UGT2A2: variants seen among roughly 807,000 people sequenced by gnomAD.
UGT2A2 encodes UDP glucuronosyltransferase family 2 member A2.
UGT2A2 carries 60 observed loss-of-function variants against 50.7 expected under a neutral mutation model. The ratio of observed to expected loss-of-function variants is 1.18; its 90% CI spans 0.96 to 1.47. The LOEUF is 1.47. Ranked by LOEUF, UGT2A2 falls within the 40% of genes most tolerant of loss-of-function variation. The pLI, the probability that UGT2A2 is intolerant of heterozygous loss-of-function variation, is 0.00. For missense variants in UGT2A2, 762 were observed against 634.0 expected (o/e 1.20, Z -2.17); for synonymous variants, 242 against 214.6 (o/e 1.13, Z -1.11).
chr4:69,613,112 C>T (rs1037196690), intron 1 of UGT2A2, among the ~76,000 whole-genome samples: 1 of 151,816 alleles, frequency 6.6e-6, no homozygotes, highest in Non-Finnish European at 1.5e-5. Flanking sequence ...ATACAATCAA[C>T]CTGCATACGA....
At chr4:69,624,719 C>T (rs1720938477) in intron 1 of UGT2A2, among the ~76,000 whole-genome samples, 2 of 151,188 alleles carry the variant, frequency 1.3e-5, no homozygotes, top group Admixed American at 6.6e-5. Context: ...TATCTCTTCC[C>T]AGATTTTGTG....
At chr4:69,632,834 G>A (rs962451533) in intron 1 of UGT2A2, among the ~76,000 whole-genome samples, 3 of 151,240 alleles carry the variant, frequency 2.0e-5, no homozygotes, top group Admixed American at 2.0e-4. Context: ...GTTGCAGTGA[G>A]CCGAGATTGC....
chr4:69,630,890 A>G (rs1013197201), intron 1 of UGT2A2, among the ~76,000 whole-genome samples: 3 of 151,980 alleles, frequency 2.0e-5, no homozygotes, highest in African/African-American at 7.3e-5. Flanking sequence ...ATATATATAC[A>G]TACATGTAAG....
chr4:69,605,657 C>G (rs910036225), intron 1 of UGT2A2, among the ~76,000 whole-genome samples: 3 of 135,450 alleles, frequency 2.2e-5, no homozygotes, highest in Non-Finnish European at 4.7e-5. Flanking sequence ...AAAGATCAAC[C>G]AAACTGATAG....
intron 1 of UGT2A2, among the ~76,000 whole-genome samples, chr4:69,609,000 AATTATAAAGAGTATG>A (rs778019872): frequency 3.1e-4 from 47 of 152,140 alleles, no homozygotes; most frequent in Non-Finnish European, 5.7e-4. Context: ...CATAAAGAAA[AATTATAAAGAGTATG>A]ATTAATATAT....
At chr4:69,635,096 T>A (rs2109961904) in intron 1 of UGT2A2, among the ~76,000 whole-genome samples, 1 of 152,042 alleles carries the variant, frequency 6.6e-6, no homozygotes, top group East Asian at 1.9e-4. Flanking sequence ...TATACTACTA[T>A]GTACCCACAA....
chr4:69,621,545 G>T (rs981388281), intron 1 of UGT2A2, among the ~76,000 whole-genome samples: 1 of 151,680 alleles, frequency 6.6e-6, no homozygotes, highest in African/African-American at 2.4e-5. Flanking sequence ...AGCTATAAAT[G>T]GTTGGTAGAA....
chr4:69,631,354 T>G (rs1468639005), intron 1 of UGT2A2, among the ~76,000 whole-genome samples: 1 of 152,152 alleles, frequency 6.6e-6, no homozygotes, highest in Non-Finnish European at 1.5e-5. Flanking sequence ...AATGATAATA[T>G]TTTGTAAATA....
intron 1 of UGT2A2, among the ~76,000 whole-genome samples, chr4:69,633,824 G>T (rs1379939736): frequency 6.6e-6 from 1 of 152,280 alleles, no homozygotes; most frequent in East Asian, 1.9e-4. Flanking sequence ...GGATGAAAGA[G>T]GAGTTATGGA....
intron 5 of UGT2A2, among the ~76,000 whole-genome samples, chr4:69,593,421 A>G (rs1718699106): frequency 6.6e-6 from 1 of 151,862 alleles, no homozygotes; most frequent in Non-Finnish European, 1.5e-5. Context: ...TAAGTAGCTA[A>G]AATTAAAACA....
intron 5 of UGT2A2, among the ~76,000 whole-genome samples, chr4:69,593,620 C>G (rs1233427231): frequency 6.6e-6 from 1 of 151,242 alleles, no homozygotes; most frequent in Non-Finnish European, 1.5e-5. Flanking sequence ...AGATTCATTT[C>G]AATCTAAAAG....
intron 3 of UGT2A2, 51 bp downstream of exon 3, chr4:69,596,199 G>T: frequency 2.1e-6 from 3 of 1,434,868 alleles, no homozygotes; most frequent in Non-Finnish European, 2.8e-6. Context: ...TAGCTGCATT[G>T]TCTCTCCCAT....
intron 4 of UGT2A2, 143 bp from the exon 5 acceptor site, chr4:69,594,839 G>T: frequency 1.8e-6 from 2 of 1,088,550 alleles, no homozygotes; most frequent in Non-Finnish European, 2.6e-6. Context: ...TAGGGCATTG[G>T]AATGTCAGAA....
At position 69,601,733 on chromosome 4, in the gene UGT2A2, G is replaced by T. The variant is rs1002896348; in HGVS notation, c.743-2339C>A. Among the ~76,000 whole-genome samples the T allele has an allele frequency of 4.7e-5, 7 of 149,214 alleles. 1 individual carries two copies. Among genetic ancestry groups the T allele is most frequent in the Admixed American group, 4.0e-4 (6 of 15,024 alleles). ...CTCCCCTGCCACCCCTGTCAGAGCT[G>T]GTGCTGGTATCCACTGATGGGAGAC... On this transcript the variant is annotated intron_variant, in intron 1 of 5. Transcript: ENST00000604629.
intron 1 of UGT2A2, 57 bp downstream of exon 1, chr4:69,638,842 A>G: frequency 6.8e-7 from 1 of 1,465,108 alleles, no homozygotes; most frequent in South Asian, 1.5e-5. Context: ...TTGCCATATG[A>G]CAATAAGAAT....
chr4:69,622,424 C>G (rs1400228384), intron 1 of UGT2A2, among the ~76,000 whole-genome samples: 1 of 151,506 alleles, frequency 6.6e-6, no homozygotes, highest in East Asian at 1.9e-4. Flanking sequence ...TGAAACAATT[C>G]TTAACTACAT....
intron 1 of UGT2A2, among the ~76,000 whole-genome samples, chr4:69,613,215 G>T (rs1311915876): frequency 6.6e-6 from 1 of 151,760 alleles, no homozygotes; most frequent in East Asian, 1.9e-4. Flanking sequence ...CAGACATATA[G>T]ACCAATGGAA....
intron 1 of UGT2A2, among the ~76,000 whole-genome samples, chr4:69,615,358 T>A (rs993519245): frequency 1.3e-5 from 2 of 151,858 alleles, no homozygotes; most frequent in African/African-American, 2.4e-5. Flanking sequence ...AAAGCAAAAA[T>A]GGACAGATGG....
chr4:69,596,131 G>C, intron 3 of UGT2A2, 119 bp downstream of exon 3: 1 of 1,280,388 alleles, frequency 7.8e-7, no homozygotes, highest in Non-Finnish European at 1.0e-6. Context: ...ACTTACAACT[G>C]TTACTAGTGA....
Sources: gnomAD v4.1 joint callset for allele counts (sites outside exome capture counted in the v4.1 genomes callset) on GRCh38, gnomAD v4.1.1 for gene constraint, MANE v1.5 for transcripts, NCBI Gene and HGNC (gene_info 2026-07-23, HGNC 2026-07-21) for gene names.